The following COL4A5 variants were observed in gnomAD, a reference collection of about 807,000 sequenced individuals.
COL4A5 encodes the protein collagen alpha-5(IV) chain.
Under a neutral mutation model 130.2 loss-of-function variants are expected in COL4A5, and 26 were observed. The observed-to-expected ratio is 0.20, with a 90% CI of 0.15 to 0.28. COL4A5 has a LOEUF of 0.28. Among genes scored for constraint, COL4A5 ranks in the 10% least tolerant of loss-of-function variants. The pLI, the probability that COL4A5 is intolerant of heterozygous loss-of-function variation, is 1.00. For synonymous variants in COL4A5, 496 were observed against 439.6 expected (o/e 1.13, Z -1.60); for missense variants, 1,131 against 1,344.3 (o/e 0.84, Z 2.48).
At chrX:108,478,803 G>A (rs777485049) in intron 1 of COL4A5, among the ~76,000 whole-genome samples, 1 of 112,236 alleles carries the variant, frequency 8.9e-6, no homozygotes, top group East Asian at 2.8e-4. Context: ...TGCAGGATAG[G>A]AAAACCCATA....
intron 1 of COL4A5, among the ~76,000 whole-genome samples, chrX:108,488,765 A>C (rs2064969739): frequency 8.9e-6 from 1 of 111,771 alleles, no homozygotes; most frequent in Non-Finnish European, 1.9e-5. Context: ...ATTGATAGGC[A>C]CAATGTCTTT....
intron 1 of COL4A5, among the ~76,000 whole-genome samples, chrX:108,502,038 A>G (rs2065084458): frequency 8.9e-6 from 1 of 112,123 alleles, no homozygotes; most frequent in Non-Finnish European, 1.9e-5. Flanking sequence ...CAGGTTATAG[A>G]ACAGATAGGT....
At chrX:108,694,325 G>C (rs2068691366) in intron 50 of COL4A5, 2 of 143,010 alleles carry the variant, frequency 1.4e-5, no homozygotes, top group Admixed American at 1.5e-4. Flanking sequence ...TCCAGATATA[G>C]TCAAATGTTT....
chrX:108,631,294 AT>A (rs1361005390), intron 36 of COL4A5, among the ~76,000 whole-genome samples: 1 of 111,751 alleles, frequency 8.9e-6, no homozygotes, highest in Non-Finnish European at 1.9e-5. Context: ...TGAGCATGGA[AT>A]GTTCTTCTAT....
chrX:108,565,260 A>G (rs994376376), intron 4 of COL4A5, among the ~76,000 whole-genome samples: 8 of 111,411 alleles, frequency 7.2e-5, no homozygotes, highest in South Asian at 7.6e-4. Flanking sequence ...CTTGACACGC[A>G]GAATTTTGAA....
chrX:108,538,239 G>A (rs1285399917), intron 1 of COL4A5, among the ~76,000 whole-genome samples: 1 of 112,099 alleles, frequency 8.9e-6, no homozygotes, highest in African/African-American at 3.2e-5. Context: ...ATTCATATTT[G>A]ATGAATGAGT....
intron 1 of COL4A5, among the ~76,000 whole-genome samples, chrX:108,536,989 T>C (rs1390100508): frequency 9.0e-6 from 1 of 111,333 alleles, no homozygotes; most frequent in East Asian, 2.8e-4. Context: ...ACTTAAAAAA[T>C]AAAATACCTA....
At chrX:108,578,447 G>A (rs952682954) in intron 13 of COL4A5, 64 bp downstream of exon 13, 2 of 751,378 alleles carry the variant, frequency 2.7e-6, no homozygotes, top group Non-Finnish European at 2.1e-6. Context: ...GTTTGATGGT[G>A]GTAATCACAT....
intron 1 of COL4A5, among the ~76,000 whole-genome samples, chrX:108,507,253 A>C (rs2065134086): frequency 1.9e-5 from 2 of 106,049 alleles, no homozygotes; most frequent in Middle Eastern, 4.7e-3. Flanking sequence ...ACAACAAAAA[A>C]AAAAAAAAGA....
intron 36 of COL4A5, chrX:108,627,637 A>T: frequency 5.0e-6 from 3 of 601,977 alleles, no homozygotes; most frequent in Non-Finnish European, 6.0e-6. Flanking sequence ...GGCTTTTTAA[A>T]ACACTTATAA....
intron 36 of COL4A5, among the ~76,000 whole-genome samples, chrX:108,632,646 C>A (rs771334551): frequency 8.5e-4 from 95 of 111,347 alleles, no homozygotes; most frequent in African/African-American, 2.9e-3. Context: ...ATCAAGTTGG[C>A]TTCATCCCTG....
At chrX:108,592,716 A>G (rs754703654) in intron 21 of COL4A5, among the ~76,000 whole-genome samples, 2 of 101,659 alleles carry the variant, frequency 2.0e-5, no homozygotes, top group African/African-American at 7.8e-5. Context: ...CTTAGCTTTC[A>G]GTACATTTCC....
chrX:108,457,144 C>T (rs778833890), intron 1 of COL4A5, among the ~76,000 whole-genome samples: 3 of 112,067 alleles, frequency 2.7e-5, no homozygotes, highest in Non-Finnish European at 5.6e-5. Flanking sequence ...ACGTTTGCTC[C>T]CACTTCCTCT....
At chrX:108,635,876 G>A (rs1311918034) in intron 36 of COL4A5, among the ~76,000 whole-genome samples, 1 of 112,522 alleles carries the variant, frequency 8.9e-6, no homozygotes, top group African/African-American at 3.2e-5. Flanking sequence ...TAATGCAGAA[G>A]CAGAAAACCA....
chrX:108,453,008 C>A lies in COL4A5; in HGVS notation c.81+12802C>A, dbSNP rs768301824. ...ATTTTGAGATACATCCCATCAATACCTAATTTATTGAGAGTTTTTAGCCTG... is the reference window on the plus strand; with the variant it reads ...ATTTTGAGATACATCCCATCAATACATAATTTATTGAGAGTTTTTAGCCTG... On this transcript the variant is annotated intron_variant, in intron 1 of 52. Transcript: ENST00000328300. Among the ~76,000 whole-genome samples, 16 of 110,890 alleles carry A rather than the reference C, an allele frequency of 1.4e-4. No homozygotes were observed. The East Asian group carries it at 4.5e-3, about 31-fold the overall frequency.
intron 1 of COL4A5, among the ~76,000 whole-genome samples, chrX:108,473,639 T>A (rs1303156179): frequency 6.7e-4 from 16 of 23,863 alleles, no homozygotes; most frequent in Middle Eastern, 0.031. Flanking sequence ...ATATATTTTT[T>A]TTTTTTTGAG....
At chrX:108,447,390 C>A (rs1348950685) in intron 1 of COL4A5, among the ~76,000 whole-genome samples, 1 of 111,950 alleles carries the variant, frequency 8.9e-6, no homozygotes, top group East Asian at 2.8e-4. Context: ...CAATTTGTAA[C>A]ATACTCACTT....
At chrX:108,514,809 T>C (rs2065206881) in intron 1 of COL4A5, among the ~76,000 whole-genome samples, 1 of 112,018 alleles carries the variant, frequency 8.9e-6, no homozygotes, top group African/African-American at 3.2e-5. Flanking sequence ...TCCCTAAAGC[T>C]GAAATCCAGC....
chrX:108,601,528 C>CTT (rs61506795), intron 26 of COL4A5, 43 bp downstream of exon 26: 288 of 577,252 alleles, frequency 5.0e-4, no homozygotes, highest in African/African-American at 2.6e-3. Context: ...ACACCGATGG[C>CTT]TTTTTTTTTT....
Sources: gnomAD v4.1 joint callset for allele counts (sites outside exome capture counted in the v4.1 genomes callset) on GRCh38, gnomAD v4.1.1 for gene constraint, MANE v1.5 for transcripts, NCBI Gene and HGNC (gene_info 2026-07-23, HGNC 2026-07-21) for gene names.